Variants in CADPS2 observed in about 807,000 individuals in gnomAD.
CADPS2 encodes calcium-dependent secretion activator 2.
CADPS2 carries 93 observed loss-of-function variants against 172.5 expected under a neutral mutation model. That is an observed-to-expected ratio of 0.54 (90% CI 0.46 to 0.64). CADPS2 has a LOEUF of 0.64. Among genes scored for constraint, CADPS2 ranks in the 30% least tolerant of loss-of-function variants. The pLI, the probability that CADPS2 is intolerant of heterozygous loss-of-function variation, is 0.00. For synonymous variants in CADPS2, 546 were observed against 555.2 expected (o/e 0.98, Z 0.23); for missense variants, 1,420 against 1,565.9 (o/e 0.91, Z 1.57).
chr7:122,445,729 C>A (rs1263714475), intron 15 of CADPS2, among the ~76,000 whole-genome samples: 1 of 152,018 alleles, frequency 6.6e-6, no homozygotes, highest in Non-Finnish European at 1.5e-5. Context: ...GTGGGAGGAT[C>A]GCTTGAGCCT....
intron 25 of CADPS2, among the ~76,000 whole-genome samples, chr7:122,377,318 T>C (rs928174432): frequency 6.6e-6 from 1 of 152,116 alleles, no homozygotes; most frequent in Non-Finnish European, 1.5e-5. Flanking sequence ...GTATTTGATA[T>C]AGAAAAATTT....
chr7:122,600,401 G>T (rs2072569725), intron 6 of CADPS2, among the ~76,000 whole-genome samples: 1 of 152,066 alleles, frequency 6.6e-6, no homozygotes, highest in African/African-American at 2.4e-5. Flanking sequence ...ATATGCCCAA[G>T]AAAATGTTAA....
chr7:122,597,258 C>T (rs1370424917), intron 6 of CADPS2, among the ~76,000 whole-genome samples: 1 of 152,054 alleles, frequency 6.6e-6, no homozygotes, highest in Non-Finnish European at 1.5e-5. Context: ...AAAATAGAAA[C>T]ACTAATAAGT....
At chr7:122,487,478 G>T (rs971199612) in intron 11 of CADPS2, among the ~76,000 whole-genome samples, 19 of 152,008 alleles carry the variant, frequency 1.2e-4, no homozygotes, top group African/African-American at 4.4e-4. Flanking sequence ...TACAAATTAG[G>T]CAAGGTATGT....
chr7:122,592,411 A>C (rs1473061954), intron 6 of CADPS2, among the ~76,000 whole-genome samples: 1 of 152,182 alleles, frequency 6.6e-6, no homozygotes, highest in Non-Finnish European at 1.5e-5. Flanking sequence ...TAGTTCAACC[A>C]TTGTGGAAGA....
intron 1 of CADPS2, among the ~76,000 whole-genome samples, chr7:122,810,247 T>A (rs955354632): frequency 4.6e-5 from 7 of 152,270 alleles, no homozygotes; most frequent in African/African-American, 1.4e-4. Context: ...CCCTAGTAAG[T>A]GGGAAGGTAA....
chr7:122,736,239 C>G (rs181646936), intron 2 of CADPS2, among the ~76,000 whole-genome samples: 1 of 152,148 alleles, frequency 6.6e-6, no homozygotes, highest in African/African-American at 2.4e-5. Context: ...TGTATCTCCA[C>G]ATTTTCCCTT....
rs542998152 is a variant in CADPS2, at chr7:122,739,298, A to G, written c.340-2230T>C. On this transcript the variant is annotated intron_variant, in intron 1 of 29. Coordinates refer to ENST00000449022, the MANE Select transcript of CADPS2 (RefSeq NM_017954.11). ...CTTGTGCCAACTCCTTTGCTTGATA[A>G]ATAAAATACATACTCTTCAAAAACT... Among the ~76,000 whole-genome samples, 31 of 152,314 alleles carry G rather than the reference A, an allele frequency of 2.0e-4. No individual in the cohort carries two copies. The South Asian group carries it at 6.4e-3, about 32-fold the overall frequency.
intron 20 of CADPS2, among the ~76,000 whole-genome samples, chr7:122,397,289 T>G (rs1411358040): frequency 1.3e-5 from 2 of 152,022 alleles, no homozygotes; most frequent in Non-Finnish European, 2.9e-5. Context: ...AAAAGTTTGC[T>G]CAGAATTCAG....
chr7:122,880,142 T>C (rs1260450653), intron 1 of CADPS2, among the ~76,000 whole-genome samples: 3 of 152,186 alleles, frequency 2.0e-5, no homozygotes, highest in Non-Finnish European at 4.4e-5. Context: ...AACTGTACTG[T>C]TCAGTTAGGA....
At chr7:122,640,646 T>G (rs924741291) in intron 3 of CADPS2, among the ~76,000 whole-genome samples, 3 of 151,908 alleles carry the variant, frequency 2.0e-5, no homozygotes, top group Non-Finnish European at 4.4e-5. Context: ...AAAAAAATAT[T>G]GTTGGCTGGG....
chr7:122,675,372 G>T (rs2082280662), intron 2 of CADPS2, among the ~76,000 whole-genome samples: 1 of 152,186 alleles, frequency 6.6e-6, no homozygotes, highest in East Asian at 1.9e-4. Context: ...GAAAAGGCCA[G>T]TGTGCCTCCT....
chr7:122,482,919 A>T (rs1185716639), intron 11 of CADPS2, among the ~76,000 whole-genome samples: 1 of 152,222 alleles, frequency 6.6e-6, no homozygotes, highest in Non-Finnish European at 1.5e-5. Flanking sequence ...GGAAAGAAGC[A>T]ATCTAAAGGA....
At chr7:122,740,911 A>C (rs993323715) in intron 1 of CADPS2, among the ~76,000 whole-genome samples, 4 of 152,166 alleles carry the variant, frequency 2.6e-5, no homozygotes, top group African/African-American at 9.6e-5. Flanking sequence ...TCATAAAAAG[A>C]ATACAAATTA....
At chr7:122,599,119 C>T (rs186449670) in intron 6 of CADPS2, among the ~76,000 whole-genome samples, 2 of 152,206 alleles carry the variant, frequency 1.3e-5, no homozygotes, top group African/African-American at 2.4e-5. Context: ...ATGGGACCTG[C>T]TCCTAGTAGG....
intron 7 of CADPS2, among the ~76,000 whole-genome samples, chr7:122,575,885 TAGAG>T (rs1311754654): frequency 4.7e-4 from 72 of 152,328 alleles, no homozygotes; most frequent in African/African-American, 1.7e-3. Context: ...AAAGATAGTA[TAGAG>T]ACTTTCTGTA....
intron 3 of CADPS2, among the ~76,000 whole-genome samples, chr7:122,636,124 T>C (rs1294827239): frequency 6.6e-6 from 1 of 152,138 alleles, no homozygotes; most frequent in African/African-American, 2.4e-5. Flanking sequence ...ATATGTGAGA[T>C]TTTGATCCTG....
chr7:122,378,430 C>T lies in CADPS2; in HGVS notation c.3387+938G>A, dbSNP rs894634387. On this transcript the variant is annotated intron_variant, in intron 25 of 29. Coordinates refer to ENST00000449022, the MANE Select transcript of CADPS2 (RefSeq NM_017954.11). Reference sequence around the variant, plus strand: ...CTTTAAAAACATGTATGCTAATTTGCTAGAGAAAATAGTATACTATTGTAG... The same window carrying T: ...CTTTAAAAACATGTATGCTAATTTGTTAGAGAAAATAGTATACTATTGTAG... 3.9e-5 allele frequency among the ~76,000 whole-genome samples: 6 copies of T among 152,102 alleles called. No homozygotes were observed. In the East Asian group the frequency reaches 7.7e-4, roughly 20 times the overall value.
intron 25 of CADPS2, chr7:122,378,651 G>T (rs139278915): frequency 6.6e-6 from 1 of 151,976 alleles, no homozygotes; most frequent in African/African-American, 2.4e-5. Flanking sequence ...GAAGCCTTGT[G>T]AGAGCATGGG....
Sources: allele counts gnomAD v4.1 joint callset (sites outside exome capture counted in the v4.1 genomes callset), GRCh38; gene constraint gnomAD v4.1.1; transcripts MANE v1.5; gene names NCBI Gene and HGNC (gene_info 2026-07-23, HGNC 2026-07-21).